DNAH5: variants seen among roughly 807,000 people sequenced by gnomAD.
DNAH5 encodes axonemal beta dynein heavy chain 5.
DNAH5 carries 372 observed loss-of-function variants against 518.2 expected under a neutral mutation model. The ratio of observed to expected loss-of-function variants is 0.72; its 90% CI spans 0.66 to 0.78. DNAH5 has a LOEUF of 0.78. Among genes scored for constraint, DNAH5 ranks in the 30% least tolerant of loss-of-function variants. The probability of loss-of-function intolerance (pLI) is 0.00; values close to 1 mark genes in which losing one functional copy is unlikely to be tolerated. For synonymous variants in DNAH5, 2,039 were observed against 2,025.9 expected (o/e 1.01, Z -0.17); for missense variants, 5,523 against 5,687.0 (o/e 0.97, Z 0.93).
chr5:13,715,057 TG>T (rs1744112423), intron 74 of DNAH5, among the ~76,000 whole-genome samples: 1 of 151,992 alleles, frequency 6.6e-6, no homozygotes, highest in African/African-American at 2.4e-5. Context: ...AGGCAGCACG[TG>T]GGAGTCATAC....
chr5:13,764,899 C>G (rs1300566441), intron 59 of DNAH5, among the ~76,000 whole-genome samples: 1 of 152,176 alleles, frequency 6.6e-6, no homozygotes, highest in Non-Finnish European at 1.5e-5. Flanking sequence ...TCCAAGAATT[C>G]TGCAAACTTG....
At chr5:13,750,735 A>G (rs1750090676) in intron 65 of DNAH5, among the ~76,000 whole-genome samples, 1 of 152,260 alleles carries the variant, frequency 6.6e-6, no homozygotes. Flanking sequence ...TCAACAGATG[A>G]GTTGAATTCA....
At position 13,819,990 on chromosome 5, in the gene DNAH5, C is replaced by G. The variant is rs138882851; in HGVS notation, c.6841+356G>C. 1.5e-3 allele frequency among the ~76,000 whole-genome samples: 235 copies of G among 152,214 alleles called. 2 individuals are homozygous for G. Among genetic ancestry groups the G allele is most frequent in the African/African-American group, 5.5e-3 (230 of 41,542 alleles). On this transcript the variant is annotated intron_variant, in intron 41 of 78. Transcript: ENST00000265104. The stretch of plus-strand genomic sequence containing the variant: ...TTTTAAGCGCGCCCTGACCTTAACT[C>G]TGAGTCCCATCACTTACCATCTTTG...
chr5:13,913,927 T>C lies in DNAH5; in HGVS notation c.1352A>G (p.Gln451Arg). ...TGCATTTGGATTTTGTTTAAGCTTTTGTTTTGTCTTGTGAAAGCAGAGCTG... is the reference window on the plus strand; with the variant it reads ...TGCATTTGGATTTTGTTTAAGCTTTCGTTTTGTCTTGTGAAAGCAGAGCTG... ...EYQLCFHKTK[Q>R]KLKQNPNAKQ... The change falls in exon 11 of 79, where the codon CAA becomes CGA. Residue 451 changes from glutamine (Q) to arginine (R), a missense_variant. Gln to Arg is a conservative substitution (Grantham distance 43). Transcript: ENST00000265104. 6.2e-7 allele frequency: 1 copy of C among 1,613,404 alleles called. No individual in the cohort carries two copies. Among genetic ancestry groups the C allele is most frequent in the Non-Finnish European group, 8.5e-7 (1 of 1,179,424 alleles).
intron 1 of DNAH5, among the ~76,000 whole-genome samples, chr5:13,975,822 T>A (rs1333264417): frequency 6.6e-6 from 1 of 152,104 alleles, no homozygotes; most frequent in Non-Finnish European, 1.5e-5. Context: ...GCATTTAGGG[T>A]TCCATATATA....
chr5:13,809,099 T>A lies in DNAH5; in HGVS notation c.7697A>T (p.Asn2566Ile). 6.2e-7 allele frequency: 1 copy of A among 1,614,202 alleles called. No homozygotes were observed. Among genetic ancestry groups the A allele is most frequent in the Non-Finnish European group, 8.5e-7 (1 of 1,180,030 alleles). The change falls in exon 46 of 79, where the codon AAT becomes ATT. Residue 2566 changes from asparagine to isoleucine, a missense_variant. Asn to Ile is a moderately radical substitution (Grantham distance 149, BLOSUM62 -3). Around this residue, in one of 3 missense-constraint regions of DNAH5, gnomAD observed 5,121 missense variants for 5,223.3 expected, o/e 0.98. Coordinates refer to ENST00000265104, the MANE Select transcript of DNAH5 (RefSeq NM_001369.3). ...TPEYGSILVP[N>I]VDNVRTDFLI... ...AAAGTCAGTCCTCACATTGTCAACA[T>A]TTGGCACCAGAATAGAACCATACTC...
chr5:13,845,360 C>G (rs4995523), intron 31 of DNAH5, among the ~76,000 whole-genome samples: 72 of 55,152 alleles, frequency 1.3e-3, no homozygotes, highest in African/African-American at 4.4e-3. Context: ...TAAAAACACA[C>G]CCAGGCAGGT....
Position 13,844,976 on chromosome 5 carries a change from C to T in DNAH5, c.5132G>A (p.Arg1711Gln), listed in dbSNP as rs146830682. The T allele has an allele frequency of 1.1e-5, 17 of 1,613,844 alleles. No homozygotes were observed. Among genetic ancestry groups the T allele is most frequent in the Admixed American group, 3.3e-5 (2 of 59,982 alleles). The change falls in exon 32 of 79, where the codon CGA becomes CAA. Residue 1711 changes from arginine (R) to glutamine (Q), a missense_variant. By Grantham distance (43) the Arg-to-Gln change is conservative. Transcript: ENST00000265104. ...KSLTGYLEKK[R>Q]LCFPRFFFVS... Reference sequence around the variant, plus strand: ...GAAGAAAAACCGAGGAAAGCACAGTCGTTTTTTCTCCAAGTACCTACAAGG... The same window carrying T: ...GAAGAAAAACCGAGGAAAGCACAGTTGTTTTTTCTCCAAGTACCTACAAGG...
chr5:13,858,567 T>A (rs1349344574), intron 30 of DNAH5, among the ~76,000 whole-genome samples: 3 of 5,274 alleles, frequency 5.7e-4, no homozygotes, highest in Non-Finnish European at 1.0e-3. Flanking sequence ...TAAATATAAT[T>A]TAAAAAAAAA....
intron 47 of DNAH5, among the ~76,000 whole-genome samples, chr5:13,806,213 G>A (rs1014907897): frequency 5.9e-5 from 9 of 152,112 alleles, no homozygotes. Flanking sequence ...TGCCAGCCTA[G>A]GGTAATTTAA....
intron 24 of DNAH5, among the ~76,000 whole-genome samples, chr5:13,868,954 T>C (rs1334894712): frequency 1.3e-5 from 2 of 152,096 alleles, no homozygotes; most frequent in Admixed American, 1.3e-4. Context: ...GGCATAAAGG[T>C]GATGTTTTGA....
intron 55 of DNAH5, among the ~76,000 whole-genome samples, chr5:13,773,372 T>G (rs2126796063): frequency 6.6e-6 from 1 of 152,098 alleles, no homozygotes; most frequent in African/African-American, 2.4e-5. Flanking sequence ...CCTTGGAGAT[T>G]GAATAAATAA....
Position 13,793,993 on chromosome 5 carries a change from C to A in DNAH5, c.7953G>T (p.Lys2651Asn). Residue 2651 changes from lysine to asparagine, a missense_variant, in exon 48 of 79, where the codon AAG (lysine) becomes AAT (asparagine). Physicochemically the swap from Lys to Asn is moderately conservative, Grantham distance 94. Coordinates refer to ENST00000265104, the MANE Select transcript of DNAH5 (RefSeq NM_001369.3). ...TCACATCATCAATAAAAACAGTCAT[C>A]TTCTTTCCCGCAGGAGGGCCATATG... ...GTTYGPPAGK[K>N]MTVFIDDVNM... 2 of 1,614,074 alleles carry A rather than the reference C, an allele frequency of 1.2e-6. No individual in the cohort carries two copies. The highest frequency in any genetic ancestry group is 1.1e-5 in the South Asian group (1 of 91,074).
At chr5:13,803,340 A>T (rs373483053) in intron 47 of DNAH5, among the ~76,000 whole-genome samples, 1 of 152,236 alleles carries the variant, frequency 6.6e-6, no homozygotes, top group East Asian at 1.9e-4. Flanking sequence ...TCAATAGTAC[A>T]TTGTAAAAAG....
At chr5:13,876,425 A>G (rs1043790696) in intron 22 of DNAH5, among the ~76,000 whole-genome samples, 2 of 152,224 alleles carry the variant, frequency 1.3e-5, no homozygotes, top group African/African-American at 4.8e-5. Flanking sequence ...TTTTTAAGTT[A>G]GATTCATTTG....
At chr5:13,698,848 T>G (rs1373396606) in intron 78 of DNAH5, among the ~76,000 whole-genome samples, 1 of 152,264 alleles carries the variant, frequency 6.6e-6, no homozygotes, top group Non-Finnish European at 1.5e-5. Context: ...AATTGTTTGC[T>G]GCTTTGCACA....
At chr5:13,922,479 C>A (rs547908102) in intron 4 of DNAH5, 151 bp from the exon 5 acceptor site, 9 of 842,554 alleles carry the variant, frequency 1.1e-5, no homozygotes, top group African/African-American at 8.4e-5. Flanking sequence ...GTAATCCCAG[C>A]ACTTTGGGAG....
chr5:13,881,285 C>T (rs1160261158), intron 21 of DNAH5, among the ~76,000 whole-genome samples: 2 of 151,918 alleles, frequency 1.3e-5, no homozygotes, highest in African/African-American at 2.4e-5. Context: ...TTGAACTACA[C>T]TTTAGACCAA....
chr5:13,797,966 A>G (rs1043017832), intron 47 of DNAH5, among the ~76,000 whole-genome samples: 2 of 150,806 alleles, frequency 1.3e-5, no homozygotes, highest in African/African-American at 2.4e-5. Context: ...AGAAAACCAA[A>G]CACTGCATGT....
Sources: gnomAD v4.1 joint callset for allele counts (sites outside exome capture counted in the v4.1 genomes callset) on GRCh38, gnomAD v4.1.1 for gene constraint, gnomAD v4.1.1 regional missense constraint, MANE v1.5 for transcripts, NCBI Gene and HGNC (gene_info 2026-07-23, HGNC 2026-07-21) for gene names.